The following SLC8A3 variants were observed in gnomAD, a reference collection of about 807,000 sequenced individuals.
SLC8A3 encodes the protein solute carrier family 8 member A3, also known as sodium/calcium exchanger 3.
In SLC8A3, 37 loss-of-function variants were observed where a neutral mutation model predicts 65.4. The observed-to-expected ratio is 0.57, with a 90% CI of 0.44 to 0.74. SLC8A3 has a LOEUF of 0.74. SLC8A3 is among the 30% of genes least tolerant of loss of function. SLC8A3 has a pLI of 0.00. For missense variants in SLC8A3, 1,112 were observed against 1,172.1 expected, an observed-to-expected ratio of 0.95 and a Z score of 0.75; for synonymous variants, 461 against 444.5, an observed-to-expected ratio of 1.04 and a Z score of -0.47.
intron 2 of SLC8A3, among the ~76,000 whole-genome samples, chr14:70,078,215 G>A (rs1408710347): frequency 3.9e-5 from 6 of 152,224 alleles, no homozygotes; most frequent in Non-Finnish European, 8.8e-5. Context: ...AATAGTGGCA[G>A]TAATATAACA....
chr14:70,145,644 C>CAA (rs1347453630), intron 2 of SLC8A3, among the ~76,000 whole-genome samples: 2 of 152,174 alleles, frequency 1.3e-5, no homozygotes, highest in Non-Finnish European at 2.9e-5. Flanking sequence ...CACTGTCAAA[C>CAA]AGATCATTGT....
chr14:70,174,931 T>C (rs1321275536), intron 1 of SLC8A3, among the ~76,000 whole-genome samples: 1 of 152,174 alleles, frequency 6.6e-6, no homozygotes, highest in African/African-American at 2.4e-5. Flanking sequence ...GCAGGGCTTT[T>C]AATGTAGAGA....
chr14:70,061,817 A>G (rs1212327557), intron 2 of SLC8A3, among the ~76,000 whole-genome samples: 1 of 152,150 alleles, frequency 6.6e-6, no homozygotes, highest in Non-Finnish European at 1.5e-5. Flanking sequence ...GGTTTCCTCA[A>G]TGTGAATTAT....
chr14:70,161,864 A>T (rs1896913964), intron 2 of SLC8A3, among the ~76,000 whole-genome samples: 1 of 152,256 alleles, frequency 6.6e-6, no homozygotes. Context: ...TGGGGTTAAA[A>T]CATTACAGAG....
intron 2 of SLC8A3, among the ~76,000 whole-genome samples, chr14:70,161,542 G>A (rs149964453): frequency 3.5e-4 from 54 of 152,254 alleles, no homozygotes; most frequent in Non-Finnish European, 5.9e-4. Flanking sequence ...AAGAGAAGGA[G>A]GACTTTTGCT....
intron 2 of SLC8A3, among the ~76,000 whole-genome samples, chr14:70,062,753 G>T (rs545774032): frequency 4.6e-5 from 7 of 152,250 alleles, no homozygotes; most frequent in African/African-American, 1.7e-4. Context: ...CTCATTGATT[G>T]TCAAGAGGCA....
chr14:70,155,376 C>CCA (rs1896517971), intron 2 of SLC8A3, among the ~76,000 whole-genome samples: 1 of 152,160 alleles, frequency 6.6e-6, no homozygotes, highest in Non-Finnish European at 1.5e-5. Flanking sequence ...TAACCAACCT[C>CCA]TCCCTATCCT....
At chr14:70,187,047 C>G (rs1344774189) in intron 1 of SLC8A3, 1 of 152,340 alleles carries the variant, frequency 6.6e-6, no homozygotes, top group Non-Finnish European at 1.5e-5. Context: ...CACCGGAAGG[C>G]CGGATGTGTT....
chr14:70,147,623 C>A (rs1202563649), intron 2 of SLC8A3, among the ~76,000 whole-genome samples: 3 of 152,116 alleles, frequency 2.0e-5, no homozygotes, highest in East Asian at 3.9e-4. Context: ...ATCAGGTGAA[C>A]CCTTTAAAAG....
chr14:70,167,095 C>T lies in SLC8A3; in HGVS notation c.1328G>A (p.Gly443Glu), dbSNP rs899904346. 4 of 1,613,992 alleles carry T rather than the reference C, an allele frequency of 2.5e-6. No homozygotes were observed. Among genetic ancestry groups the T allele is most frequent in the African/African-American group, 1.3e-5 (1 of 74,912 alleles). ...GCCCTCTGTGAACTCATAGTCAGCC[C>T]CTGCATTGGCAGAACCATCCTCTGT... Reference protein sequence around the residue: ...YKTEDGSANAGADYEFTEGTV... With the variant: ...YKTEDGSANAEADYEFTEGTV... Residue 443 changes from glycine to glutamate, a missense_variant, in exon 2 of 7, where the codon GGG becomes GAG. By Grantham distance (98) the Gly-to-Glu change is moderately conservative. Coordinates refer to ENST00000356921, the MANE Select transcript of SLC8A3 (RefSeq NM_182932.3).
intron 2 of SLC8A3, among the ~76,000 whole-genome samples, chr14:70,071,284 T>G (rs1391711515): frequency 6.6e-6 from 1 of 152,206 alleles, no homozygotes; most frequent in Non-Finnish European, 1.5e-5. Flanking sequence ...CTGTTATCAC[T>G]CCTGAAATGT....
chr14:70,095,894 T>A (rs950428083), intron 2 of SLC8A3, among the ~76,000 whole-genome samples: 33 of 152,102 alleles, frequency 2.2e-4, no homozygotes, highest in African/African-American at 7.2e-4. Flanking sequence ...CTTTTTTTTT[T>A]TCGTTGAGGT....
At chr14:70,074,205 C>A (rs576010256) in intron 2 of SLC8A3, among the ~76,000 whole-genome samples, 25 of 152,312 alleles carry the variant, frequency 1.6e-4, no homozygotes, top group Non-Finnish European at 3.2e-4. Context: ...TAGCTACTGT[C>A]CCCATTTGGG....
At chr14:70,157,306 G>A (rs1896632282) in intron 2 of SLC8A3, among the ~76,000 whole-genome samples, 1 of 152,140 alleles carries the variant, frequency 6.6e-6, no homozygotes, top group Non-Finnish European at 1.5e-5. Flanking sequence ...AAACTGTTTA[G>A]ATAGCTTATC....
intron 1 of SLC8A3, among the ~76,000 whole-genome samples, chr14:70,183,820 C>T (rs996075139): frequency 7.9e-5 from 12 of 152,164 alleles, no homozygotes; most frequent in Non-Finnish European, 1.2e-4. Flanking sequence ...GCAAATAATT[C>T]ACAATCTTCC....
chr14:70,163,524 G>A (rs906455910), intron 2 of SLC8A3, among the ~76,000 whole-genome samples: 23 of 152,176 alleles, frequency 1.5e-4, no homozygotes, highest in African/African-American at 4.6e-4. Flanking sequence ...TATACAAAGA[G>A]GGAGAGATTA....
At chr14:70,135,089 A>G (rs1490178434) in intron 2 of SLC8A3, among the ~76,000 whole-genome samples, 2 of 152,262 alleles carry the variant, frequency 1.3e-5, no homozygotes, top group East Asian at 1.9e-4. Context: ...AGACCTGAAT[A>G]GACATTTCTC....
At chr14:70,101,036 G>A (rs1488802915) in intron 2 of SLC8A3, among the ~76,000 whole-genome samples, 1 of 152,172 alleles carries the variant, frequency 6.6e-6, no homozygotes, top group African/African-American at 2.4e-5. Flanking sequence ...ATGAGTAGAC[G>A]ATCTAAAAGA....
chr14:70,145,956 AGAGG>A (rs200765896), intron 2 of SLC8A3, among the ~76,000 whole-genome samples: 5,063 of 143,224 alleles, frequency 0.035, 294 homozygotes, highest in African/African-American at 0.12. Context: ...AGGAAGGAAA[AGAGG>A]GAGGGAGGGA....
Sources: gnomAD v4.1 joint callset for allele counts (sites outside exome capture counted in the v4.1 genomes callset) on GRCh38, gnomAD v4.1.1 for gene constraint, MANE v1.5 for transcripts, NCBI Gene and HGNC (gene_info 2026-07-23, HGNC 2026-07-21) for gene names.